EBF3: variants seen among roughly 807,000 people sequenced by gnomAD.
EBF3 encodes EBF transcription factor 3.
In EBF3, 18 loss-of-function variants were observed where a neutral mutation model predicts 77.1. That is an observed-to-expected ratio of 0.23 (90% CI 0.16 to 0.35). The LOEUF is 0.35. Ranked by LOEUF, EBF3 falls within the 10% of genes least tolerant of loss-of-function variation. EBF3 has a pLI of 1.00. For synonymous variants in EBF3, 350 were observed against 343.5 expected (o/e 1.02, Z -0.21); for missense variants, 558 against 860.0 (o/e 0.65, Z 4.39).
In EBF3 at chr10:129,867,768, G is replaced by C. The variant is rs753083833; in HGVS notation, c.912+14C>G. On this transcript the variant is annotated intron_variant, in intron 9 of 16. Transcript: ENST00000440978. Reference sequence around the variant, plus strand: ...ACAGCAACAGCGCGAAGCTGACCGAGTCCGCGGGCTTACCTCGCTCCACAC... The same window carrying C: ...ACAGCAACAGCGCGAAGCTGACCGACTCCGCGGGCTTACCTCGCTCCACAC... 1.3e-5 allele frequency: 21 copies of C among 1,612,890 alleles called. No individual in the cohort carries two copies. Among genetic ancestry groups the C allele is most frequent in the Non-Finnish European group, 1.7e-5 (20 of 1,179,452 alleles).
chr10:129,850,206 G>A (rs1269061182), intron 10 of EBF3, among the ~76,000 whole-genome samples: 1 of 152,216 alleles, frequency 6.6e-6, no homozygotes, highest in Non-Finnish European at 1.5e-5. Context: ...TAATGAATCG[G>A]CCTGATGAAA....
chr10:129,860,341 G>A (rs1025973816), intron 10 of EBF3, among the ~76,000 whole-genome samples: 1 of 151,956 alleles, frequency 6.6e-6, no homozygotes, highest in African/African-American at 2.4e-5. Context: ...CAGGAAGAGG[G>A]CCGGGCCCGC....
At chr10:129,909,102 A>G (rs1227663350) in intron 6 of EBF3, among the ~76,000 whole-genome samples, 1 of 152,178 alleles carries the variant, frequency 6.6e-6, no homozygotes, top group Non-Finnish European at 1.5e-5. Flanking sequence ...AAGTGAATGG[A>G]CTGGGATTAC....
In EBF3 at chr10:129,841,041, AT is replaced by A. The variant is rs1681259129; in HGVS notation, c.1373-10del. On this transcript the variant is annotated splice_polypyrimidine_tract_variant and intron_variant, in intron 13 of 16. Coordinates refer to ENST00000440978, the MANE Select transcript of EBF3 (RefSeq NM_001375380.1). The surrounding 1 kb of genome is among the most constrained non-coding windows in gnomAD (Gnocchi z 4.6). Reference sequence around the variant, plus strand: ...ATTGCGACTGTAGCCGACTGTTGAAATCCCCCCCCCGGCCAAAAATAACATT... The same window carrying A: ...ATTGCGACTGTAGCCGACTGTTGAAACCCCCCCCCGGCCAAAAATAACATT... 1.9e-6 allele frequency: 2 copies of A among 1,076,656 alleles called. No homozygotes were observed. The highest frequency in any genetic ancestry group is 1.7e-5 in the African/African-American group (1 of 58,462). The allele number at this position is 1,076,656 out of a possible 1,614,324, so 66.7% of individuals were successfully genotyped here.
intron 6 of EBF3, among the ~76,000 whole-genome samples, chr10:129,919,220 G>A (rs866252698): frequency 2.0e-5 from 3 of 152,148 alleles, no homozygotes; most frequent in South Asian, 2.1e-4. Flanking sequence ...TCTGTGACTC[G>A]GAACATATCA....
chr10:129,896,348 C>T (rs1324408764), intron 6 of EBF3, among the ~76,000 whole-genome samples: 2 of 152,254 alleles, frequency 1.3e-5, no homozygotes, highest in African/African-American at 2.4e-5. Flanking sequence ...ACTTATTCTA[C>T]TTGAATGCAC....
chr10:129,841,049 C>CCCT lies in EBF3; in HGVS notation c.1373-18_1373-17insAGG. On this transcript the variant is annotated splice_polypyrimidine_tract_variant and intron_variant, in intron 13 of 16. Coordinates refer to ENST00000440978, the MANE Select transcript of EBF3 (RefSeq NM_001375380.1). The surrounding 1 kb of genome is among the most constrained non-coding windows in gnomAD (Gnocchi z 4.6). ...TGTAGCCGACTGTTGAAATCCCCCC[C>CCCT]CCGGCCAAAAATAACATTATTATCA... The CCCT allele has an allele frequency of 6.2e-7, 1 of 1,604,718 alleles. No individual in the cohort carries two copies. The highest frequency in any genetic ancestry group is 8.5e-7 in the Non-Finnish European group (1 of 1,175,850).
In EBF3 at chr10:129,885,842, T is replaced by C. The variant is rs532667203; in HGVS notation, c.555-7993A>G. Among the ~76,000 whole-genome samples, 1 of 152,284 alleles carries C rather than the reference T, an allele frequency of 6.6e-6. No individual in the cohort carries two copies. Among genetic ancestry groups the C allele is most frequent in the African/African-American group, 2.4e-5 (1 of 41,562 alleles). ...TGTTGCCAGCTCCAGGGGAGGCTTT[T>C]ACAGGTTATGCAGAGATTAAGTGCC... On this transcript the variant is annotated intron_variant, in intron 6 of 16. Transcript: ENST00000440978. The surrounding 1 kb of genome is among the most constrained non-coding windows in gnomAD (Gnocchi z 4.0).
intron 10 of EBF3, among the ~76,000 whole-genome samples, chr10:129,855,253 G>A (rs754301020): frequency 4.6e-5 from 7 of 152,192 alleles, no homozygotes; most frequent in Non-Finnish European, 1.0e-4. Flanking sequence ...ACCGGGCCTC[G>A]TGCACAGGGA....
chr10:129,869,978 T>C (rs1330457792), intron 8 of EBF3, among the ~76,000 whole-genome samples: 3 of 115,092 alleles, frequency 2.6e-5, no homozygotes, highest in African/African-American at 3.4e-5. Flanking sequence ...CAGCCAATTA[T>C]GGCAAATAAT....
intron 6 of EBF3, among the ~76,000 whole-genome samples, chr10:129,904,475 A>C (rs1317521092): frequency 6.6e-6 from 1 of 151,514 alleles, no homozygotes; most frequent in Non-Finnish European, 1.5e-5. Flanking sequence ...GACAAATGGA[A>C]GATAGATGGG....
rs1047572096 is a variant in EBF3, at chr10:129,861,151, G to A, written c.1039+5990C>T. Among the ~76,000 whole-genome samples the A allele has an allele frequency of 6.6e-6, 1 of 152,170 alleles. No individual in the cohort carries two copies. The highest frequency in any genetic ancestry group is 1.5e-5 in the Non-Finnish European group (1 of 68,028). Reference sequence around the variant, plus strand: ...GGCAGATTAACTGATCATGGTTTGGGTTGATGCTGTGCCGTAGCAGTGGGG... The same window carrying A: ...GGCAGATTAACTGATCATGGTTTGGATTGATGCTGTGCCGTAGCAGTGGGG... On this transcript the variant is annotated intron_variant, in intron 10 of 16. Coordinates refer to ENST00000440978, the MANE Select transcript of EBF3 (RefSeq NM_001375380.1). The surrounding 1 kb of genome is among the most constrained non-coding windows in gnomAD (Gnocchi z 4.3).
chr10:129,911,194 G>A (rs565248898), intron 6 of EBF3, among the ~76,000 whole-genome samples: 5 of 152,316 alleles, frequency 3.3e-5, no homozygotes, highest in South Asian at 2.1e-4. Flanking sequence ...TCCAGCCCAC[G>A]GGTGGGCCAG....
chr10:129,912,211 A>C (rs936562632), intron 6 of EBF3, among the ~76,000 whole-genome samples: 2 of 152,160 alleles, frequency 1.3e-5, no homozygotes, highest in African/African-American at 4.8e-5. Context: ...TCCAAGGTAG[A>C]GGGAGAGGCA....
At chr10:129,925,977 A>G (rs1366446913) in intron 6 of EBF3, among the ~76,000 whole-genome samples, 1 of 152,190 alleles carries the variant, frequency 6.6e-6, no homozygotes, top group Admixed American at 6.5e-5. Context: ...TTTGTGCATT[A>G]ATAGCCCTGA....
chr10:129,887,250 C>T (rs1853672671), intron 6 of EBF3, among the ~76,000 whole-genome samples: 1 of 152,206 alleles, frequency 6.6e-6, no homozygotes. Flanking sequence ...TGACAAGCAG[C>T]TTGATCCAGC....
chr10:129,923,676 CA>C (rs1268095409), intron 6 of EBF3, among the ~76,000 whole-genome samples: 1 of 152,028 alleles, frequency 6.6e-6, no homozygotes, highest in Non-Finnish European at 1.5e-5. Context: ...AAGTGAGACC[CA>C]AAACCATAAA....
chr10:129,955,023 T>C (rs990808777), intron 6 of EBF3, among the ~76,000 whole-genome samples: 2 of 152,212 alleles, frequency 1.3e-5, no homozygotes, highest in African/African-American at 2.4e-5. Flanking sequence ...CCTCTTTCTC[T>C]GATTAATCTA....
chr10:129,951,324 C>T (rs972749970), intron 6 of EBF3, among the ~76,000 whole-genome samples: 4 of 152,228 alleles, frequency 2.6e-5, no homozygotes, highest in African/African-American at 9.6e-5. Flanking sequence ...ACTGCAATAT[C>T]TTCGCTCCTC....
Sources: gnomAD v4.1 joint callset for allele counts (sites outside exome capture counted in the v4.1 genomes callset) on GRCh38, gnomAD v4.1.1 for gene constraint, Gnocchi (gnomAD v3.1) non-coding constraint, MANE v1.5 for transcripts, NCBI Gene and HGNC (gene_info 2026-07-23, HGNC 2026-07-21) for gene names.